The following FOXK1 variants were observed in gnomAD, a reference collection of about 807,000 sequenced individuals.
FOXK1 encodes the protein forkhead box K1.
In FOXK1, 19 loss-of-function variants were observed where a neutral mutation model predicts 51.9. The observed-to-expected ratio is 0.37, with a 90% CI of 0.26 to 0.54. FOXK1 has a LOEUF of 0.54. Among genes scored for constraint, FOXK1 ranks in the 20% least tolerant of loss-of-function variants. The probability of loss-of-function intolerance (pLI) is 0.87; values close to 1 mark genes in which losing one functional copy is unlikely to be tolerated. For missense variants in FOXK1, 870 were observed against 1,032.7 expected, an observed-to-expected ratio of 0.84 and a Z score of 2.16; for synonymous variants, 537 against 482.6, an observed-to-expected ratio of 1.11 and a Z score of -1.48.
At chr7:4,760,548 G>A (rs1230409309) in intron 7 of FOXK1, among the ~76,000 whole-genome samples, 1 of 152,162 alleles carries the variant, frequency 6.6e-6, no homozygotes, top group Non-Finnish European at 1.5e-5. Flanking sequence ...TTAAAGCTAA[G>A]GTATTTAAAA....
chr7:4,715,608 T>C lies in FOXK1; in HGVS notation c.561-25230T>C, dbSNP rs570149830. Among the ~76,000 whole-genome samples, 1 of 152,318 alleles carries C rather than the reference T, an allele frequency of 6.6e-6. No homozygotes were observed. Among genetic ancestry groups the C allele is most frequent in the African/African-American group, 2.4e-5 (1 of 41,576 alleles). On this transcript the variant is annotated intron_variant, in intron 1 of 8. Transcript: ENST00000328914. This position sits in a 1 kb window ranked among gnomAD's most constrained non-coding sequence, Gnocchi z 4.5. ...GATATTTTGAAATGCTCTGGTGTTGTGAAATACGGAACTTGGCGAGTTCTT... is the reference window on the plus strand; with the variant it reads ...GATATTTTGAAATGCTCTGGTGTTGCGAAATACGGAACTTGGCGAGTTCTT...
chr7:4,749,747 G>A lies in FOXK1; in HGVS notation c.747-4712G>A, dbSNP rs1230232269. On this transcript the variant is annotated intron_variant, in intron 2 of 8. Transcript: ENST00000328914. The surrounding 1 kb of genome is among the most constrained non-coding windows in gnomAD (Gnocchi z 6.0). ...GAGCCAAGGGCATTGAGGGTGGACT[G>A]GAAGGACCGCAGCCCTGTGCCCTGG... Among the ~76,000 whole-genome samples, 1 of 152,232 alleles carries A rather than the reference G, an allele frequency of 6.6e-6. No individual in the cohort carries two copies. The highest frequency in any genetic ancestry group is 1.5e-5 in the Non-Finnish European group (1 of 68,042).
chr7:4,728,747 A>AG (rs1319614413), intron 1 of FOXK1, among the ~76,000 whole-genome samples: 11 of 151,266 alleles, frequency 7.3e-5, no homozygotes, highest in South Asian at 2.1e-4. Context: ...AAAAAAAAAA[A>AG]AAAAGAAAGA....
At position 4,747,137 on chromosome 7, in the gene FOXK1, C is replaced by T. The variant is rs191062886; in HGVS notation, c.746+6114C>T. Among the ~76,000 whole-genome samples the T allele has an allele frequency of 4.5e-4, 68 of 152,296 alleles. No individual in the cohort carries two copies. The highest frequency in any genetic ancestry group is 6.8e-4 in the Non-Finnish European group (46 of 68,026). On this transcript the variant is annotated intron_variant, in intron 2 of 8. Transcript: ENST00000328914. The surrounding 1 kb of genome is among the most constrained non-coding windows in gnomAD (Gnocchi z 9.2). Reference sequence around the variant, plus strand: ...TGTTGAAAGGACATCCCCACGCCCGCGTTTCCTGTAATCTCGGAGGGTCCT... The same window carrying T: ...TGTTGAAAGGACATCCCCACGCCCGTGTTTCCTGTAATCTCGGAGGGTCCT...
chr7:4,746,291 TTTTGTA>T (rs1780701201), intron 2 of FOXK1, among the ~76,000 whole-genome samples: 1 of 152,244 alleles, frequency 6.6e-6, no homozygotes, highest in Non-Finnish European at 1.5e-5. Context: ...GTTTATGTTG[TTTTGTA>T]AAGTTAGAGG....
At chr7:4,725,065 A>G (rs1326995183) in intron 1 of FOXK1, among the ~76,000 whole-genome samples, 1 of 152,212 alleles carries the variant, frequency 6.6e-6, no homozygotes, top group Non-Finnish European at 1.5e-5. Flanking sequence ...GAGGCCATCC[A>G]AGCGCGGTGC....
In FOXK1 at chr7:4,722,817, C is replaced by A. The variant is rs574752190; in HGVS notation, c.561-18021C>A. On this transcript the variant is annotated intron_variant, in intron 1 of 8. Coordinates refer to ENST00000328914, the MANE Select transcript of FOXK1 (RefSeq NM_001037165.2). The surrounding 1 kb of genome is among the most constrained non-coding windows in gnomAD (Gnocchi z 5.1). ...GGCCACAGGCCTCCACAGCCCTCTG[C>A]TGTGTCTGTGCACCTTCTCCATCCC... 7.9e-5 allele frequency among the ~76,000 whole-genome samples: 12 copies of A among 152,166 alleles called. No homozygotes were observed. The highest frequency in any genetic ancestry group is 2.7e-4 in the African/African-American group (11 of 41,432).
chr7:4,682,691 A>G lies in FOXK1; in HGVS notation c.383A>G (p.Asn128Ser). 6.3e-7 allele frequency: 1 copy of G among 1,599,954 alleles called. No homozygotes were observed. Among genetic ancestry groups the G allele is most frequent in the Non-Finnish European group, 8.5e-7 (1 of 1,177,132 alleles). The change falls in exon 1 of 9, where the codon AAC becomes AGC. Residue 128 changes from asparagine to serine, a missense_variant. Physicochemically the swap from Asn to Ser is conservative, Grantham distance 46 (BLOSUM62 1). This residue lies in a region of FOXK1 where 399 missense variants were observed against 475.6 expected (regional missense o/e 0.84). Transcript: ENST00000328914. This position sits in a 1 kb window ranked among gnomAD's most constrained non-coding sequence, Gnocchi z 7.6. The stretch of plus-strand genomic sequence containing the variant: ...CAGCCCAGCGTCACCATCGGCCGCA[A>G]CTCGTCGCAGGGCTCGGTGGACTTG... ...MRQPSVTIGR[N>S]SSQGSVDLSM...
intron 7 of FOXK1, among the ~76,000 whole-genome samples, chr7:4,760,433 C>T (rs1263332210): frequency 1.3e-5 from 2 of 152,156 alleles, no homozygotes; most frequent in African/African-American, 2.4e-5. Context: ...TCAATGCTGC[C>T]GTAATGAAAC....
intron 2 of FOXK1, among the ~76,000 whole-genome samples, chr7:4,744,762 G>C (rs1193109216): frequency 7.2e-5 from 11 of 152,246 alleles, no homozygotes; most frequent in African/African-American, 2.4e-5. Context: ...CCAGGAAGGT[G>C]GGGGGCCACC....
chr7:4,682,330 A>G lies in FOXK1; in HGVS notation c.22A>G (p.Ser8Gly), dbSNP rs1309452382. 8.1e-6 allele frequency: 8 copies of G among 993,398 alleles called. No individual in the cohort carries two copies. In the South Asian group the frequency reaches 1.3e-4, roughly 16 times the overall value. The allele number at this position is 993,398 out of a possible 1,614,324, so 61.5% of individuals were successfully genotyped here. A position where few individuals can be genotyped will look rare whatever the true frequency, so the allele number is the denominator to read the frequency against. The change falls in exon 1 of 9, where the codon AGC becomes GGC. Residue 8 changes from serine (S) to glycine (G), a missense_variant. This residue lies in a region of FOXK1 where 399 missense variants were observed against 475.6 expected (regional missense o/e 0.84). Coordinates refer to ENST00000328914, the MANE Select transcript of FOXK1 (RefSeq NM_001037165.2). The surrounding 1 kb of genome is among the most constrained non-coding windows in gnomAD (Gnocchi z 7.6). MAEVGED[S>G]GARALLALRS... Reference sequence around the variant, plus strand: ...GAACATGGCCGAAGTCGGCGAGGACAGCGGCGCCCGCGCCCTGCTCGCGCT... The same window carrying G: ...GAACATGGCCGAAGTCGGCGAGGACGGCGGCGCCCGCGCCCTGCTCGCGCT...
At position 4,759,029 on chromosome 7, in the gene FOXK1, G is replaced by C. The variant is rs558305601; in HGVS notation, c.1245-22G>C. On this transcript the variant is annotated intron_variant, in intron 5 of 8. Coordinates refer to ENST00000328914, the MANE Select transcript of FOXK1 (RefSeq NM_001037165.2). ...TCCCTCAGCGCGGGCGCTGACTGCC[G>C]CGGCCCTTGCCTGTCTTCCAGGAGC... is the stretch of plus-strand genomic sequence containing the variant. 5 of 1,564,968 alleles carry C rather than the reference G, an allele frequency of 3.2e-6. No individual in the cohort carries two copies. In the East Asian group the frequency reaches 1.1e-4, roughly 35 times the overall value.
Position 4,753,959 on chromosome 7 carries a change from C to T in FOXK1, c.747-500C>T, listed in dbSNP as rs577388071. On this transcript the variant is annotated intron_variant, in intron 2 of 8. Coordinates refer to ENST00000328914, the MANE Select transcript of FOXK1 (RefSeq NM_001037165.2). The surrounding 1 kb of genome is among the most constrained non-coding windows in gnomAD (Gnocchi z 4.9). ...GTGTCTCCAGGAGAGCCACCTGCCA[C>T]GCCTTCACCCTGCAGGGCGATGGCA... Among the ~76,000 whole-genome samples the T allele has an allele frequency of 6.6e-6, 1 of 152,322 alleles. No individual in the cohort carries two copies. Among genetic ancestry groups the T allele is most frequent in the Non-Finnish European group, 1.5e-5 (1 of 68,016 alleles).
chr7:4,744,381 G>C (rs1012005279), intron 2 of FOXK1, among the ~76,000 whole-genome samples: 10 of 152,156 alleles, frequency 6.6e-5, no homozygotes, highest in Admixed American at 6.6e-4. Flanking sequence ...TACCCCGTAG[G>C]TCATCTTTCA....
chr7:4,761,020 T>C lies in FOXK1; in HGVS notation c.1697-44T>C, dbSNP rs377743988. On this transcript the variant is annotated intron_variant, in intron 7 of 8. Transcript: ENST00000328914. The surrounding 1 kb of genome is among the most constrained non-coding windows in gnomAD (Gnocchi z 6.2). ...GCCCAGGCGTCGAGGAAATCGATTG[T>C]CTCGTTGGCCGAGTGTGGTGCTGAC... 1.2e-3 allele frequency: 1,891 copies of C among 1,570,582 alleles called. No homozygotes were observed. The highest frequency in any genetic ancestry group is 1.6e-3 in the Non-Finnish European group (1,783 of 1,144,004).
chr7:4,759,217 G>A lies in FOXK1; in HGVS notation c.1411G>A (p.Gly471Ser), dbSNP rs1348252699. Residue 471 changes from glycine to serine, a missense_variant and splice_region_variant, in exon 6 of 9, where the codon GGC (glycine) becomes AGC (serine). Coordinates refer to ENST00000328914, the MANE Select transcript of FOXK1 (RefSeq NM_001037165.2). ...GTACCGGTATTCCCAAAGCGCACCC[G>A]GTAAGGAGCGGGCGGCCCTCTTGCG... ...PEYRYSQSAP[G>S]SPVSAQPVIM... is the part of the protein sequence containing the mutation. 1.9e-6 allele frequency: 3 copies of A among 1,612,066 alleles called. No individual in the cohort carries two copies. Among genetic ancestry groups the A allele is most frequent in the Non-Finnish European group, 2.5e-6 (3 of 1,179,796 alleles).
At chr7:4,686,780 C>T (rs552813675) in intron 1 of FOXK1, among the ~76,000 whole-genome samples, 10 of 150,238 alleles carry the variant, frequency 6.7e-5, no homozygotes, top group Non-Finnish European at 1.3e-4. Context: ...AGAAAAACGG[C>T]GTCATCGATT....
rs1271221292 is a variant in FOXK1, at chr7:4,762,539, G to A, written c.*75G>A. ...GCTGGACCCGGCAGCTCAGGCGGCC[G>A]CACCCACAGACGGAGGAGAACAGCC... On this transcript the variant is annotated 3_prime_UTR_variant, in exon 9 of 9. Coordinates refer to ENST00000328914, the MANE Select transcript of FOXK1 (RefSeq NM_001037165.2). The surrounding 1 kb of genome is among the most constrained non-coding windows in gnomAD (Gnocchi z 5.7). 23 of 1,434,094 alleles carry A rather than the reference G, an allele frequency of 1.6e-5. No homozygotes were observed. Among genetic ancestry groups the A allele is most frequent in the South Asian group, 8.2e-5 (6 of 73,354 alleles). The allele number at this position is 1,434,094 out of a possible 1,614,324, so 88.8% of individuals were successfully genotyped here.
intron 1 of FOXK1, among the ~76,000 whole-genome samples, chr7:4,724,862 G>A (rs996035725): frequency 1.3e-5 from 2 of 152,238 alleles, no homozygotes; most frequent in African/African-American, 4.8e-5. Flanking sequence ...ACTCCCACGA[G>A]GGCTGTGCCG....
Sources: allele counts gnomAD v4.1 joint callset (sites outside exome capture counted in the v4.1 genomes callset), GRCh38; gene constraint gnomAD v4.1.1; regional missense constraint gnomAD v4.1.1; non-coding constraint Gnocchi (gnomAD v3.1); transcripts MANE v1.5; gene names NCBI Gene and HGNC (gene_info 2026-07-23, HGNC 2026-07-21).